Variants in KRT73 observed in about 807,000 individuals in gnomAD.
KRT73 encodes keratin 73.
In KRT73, 44 loss-of-function variants were observed where a neutral mutation model predicts 47.2. The ratio of observed to expected loss-of-function variants is 0.93; its 90% CI spans 0.73 to 1.20. KRT73 has a LOEUF of 1.20. Ranked by LOEUF, KRT73 falls within the 50% of genes most tolerant of loss-of-function variation. The pLI is 0.00. For missense variants in KRT73, 713 were observed against 704.5 expected (o/e 1.01, Z -0.14); for synonymous variants, 285 against 291.3 (o/e 0.98, Z 0.22).
intron 4 of KRT73, 80 bp from the exon 5 acceptor site, chr12:52,613,932 A>G: frequency 6.4e-7 from 1 of 1,569,356 alleles, no homozygotes; most frequent in Non-Finnish European, 8.6e-7. Flanking sequence ...TCCCAGAGGG[A>G]TGGCCCTAGA....
At chr12:52,626,419 G>C in the KRT73 span, among the ~76,000 whole-genome samples, 2 of 152,110 alleles carry the variant, frequency 1.3e-5, no homozygotes, top group South Asian at 2.1e-4. Context: ...AAAAGGTCTG[G>C]GTCAGGTCTT....
At chr12:52,627,446 C>T in the KRT73 span, among the ~76,000 whole-genome samples, 2 of 152,190 alleles carry the variant, frequency 1.3e-5, no homozygotes, top group African/African-American at 4.8e-5. Flanking sequence ...ATCTTCCTCC[C>T]CTTGCTGCTC....
the KRT73 span, among the ~76,000 whole-genome samples, chr12:52,625,440 C>T: frequency 1.1e-4 from 17 of 152,286 alleles, no homozygotes; most frequent in African/African-American, 3.6e-4. Flanking sequence ...TGAGATATTA[C>T]TCAACACCTA....
Position 52,615,337 on chromosome 12 carries a change from T to C in KRT73, c.665A>G (p.Tyr222Cys), listed in dbSNP as rs1459322116. ...TGTGCGCTTGTTTATTTCTTCTTCA[T>C]ACCTGCAGGGAAAGCATCACAGGAA... is the stretch of plus-strand genomic sequence containing the variant. ...REVVEDYKKR[Y>C]EEEINKRTTA... is the part of the protein sequence containing the mutation. The change falls in exon 3 of 9, where the codon TAT becomes TGT. Residue 222 changes from tyrosine to cysteine, a missense_variant and splice_region_variant. By Grantham distance (194) the Tyr-to-Cys change is radical (BLOSUM62 -2). Coordinates refer to ENST00000305748, the MANE Select transcript of KRT73 (RefSeq NM_175068.3). 6.2e-7 allele frequency: 1 copy of C among 1,613,770 alleles called. No homozygotes were observed. Among genetic ancestry groups the C allele is most frequent in the Non-Finnish European group, 8.5e-7 (1 of 1,179,690 alleles).
rs550957709 is a variant in KRT73, at chr12:52,610,818, C to T, written c.1128G>A (p.Thr376=). The T allele has an allele frequency of 1.5e-5, 24 of 1,612,484 alleles. No individual in the cohort carries two copies. In the South Asian group the frequency reaches 1.8e-4, roughly 12 times the overall value. The stretch of plus-strand genomic sequence containing the variant: ...CCCGCTGCTCGGCGTCAGCGATGGC[C>T]GTCTCCAGGTTGGCACACTGGGGTC... The part of the protein sequence containing the change: ...SVKKQCANLE[T]AIADAEQRGD... The change falls in exon 7 of 9, where the codon ACG becomes ACA. Residue 376 remains threonine (T), a synonymous_variant. Coordinates refer to ENST00000305748, the MANE Select transcript of KRT73 (RefSeq NM_175068.3).
chr12:52,624,124 T>C, the KRT73 span, among the ~76,000 whole-genome samples: 3 of 151,970 alleles, frequency 2.0e-5, no homozygotes, highest in South Asian at 2.1e-4. Context: ...TAAAGTATAC[T>C]TCAAAGCAAA....
At chr12:52,623,314 G>T (rs1236008466), upstream of KRT73, among the ~76,000 whole-genome samples, 1 of 152,194 alleles carries the variant, frequency 6.6e-6, no homozygotes, top group African/African-American at 2.4e-5. Flanking sequence ...AGGCTAGCAG[G>T]GAGTGGCATA....
chr12:52,626,382 C>A, the KRT73 span, among the ~76,000 whole-genome samples: 1 of 152,346 alleles, frequency 6.6e-6, no homozygotes, highest in Non-Finnish European at 1.5e-5. Context: ...AAAATCCCTA[C>A]TTTCCCTGAC....
intron 2 of KRT73, among the ~76,000 whole-genome samples, chr12:52,615,907 C>A (rs111372012): frequency 6.6e-6 from 1 of 152,124 alleles, no homozygotes; most frequent in Non-Finnish European, 1.5e-5. Flanking sequence ...CAAGAGGCTG[C>A]GGCACACACA....
rs199898419 is a variant in KRT73 at position 52,616,298 on chromosome 12, T to C, written c.530A>G (p.Asn177Ser). 1 of 1,614,204 alleles carries C rather than the reference T, an allele frequency of 6.2e-7. No homozygotes were observed. Among genetic ancestry groups the C allele is most frequent in the Non-Finnish European group, 8.5e-7 (1 of 1,180,044 alleles). ...GCCCTCAAGGATGGGCTCCAGGTTA[T>C]TCTTGCAGTTGTTCAGGTCCAGCTG... ...LQQLDLNNCK[N>S]NLEPILEGYI... is the part of the protein sequence containing the mutation. The change falls in exon 2 of 9, where the codon AAT becomes AGT. Residue 177 changes from asparagine (N) to serine (S), a missense_variant. Physicochemically the swap from Asn to Ser is conservative, Grantham distance 46. Transcript: ENST00000305748.
the KRT73 span, among the ~76,000 whole-genome samples, chr12:52,624,123 C>T: frequency 4.6e-5 from 7 of 151,954 alleles, no homozygotes; most frequent in Admixed American, 2.0e-4. Flanking sequence ...ATAAAGTATA[C>T]TTCAAAGCAA....
chr12:52,611,560 T>C, intron 5 of KRT73: 1 of 536,348 alleles, frequency 1.9e-6, no homozygotes, highest in Non-Finnish European at 3.3e-6. Context: ...CTGTTGAATG[T>C]CCCAGACTCT....
In KRT73 at chr12:52,618,269, A is replaced by C. The variant is rs1940850497; in HGVS notation, c.256T>G (p.Phe86Val). ...ACGGACCCCAAGGCCACACTGCCAA[A>C]CATGCTGCCAGCAAAGCCACTGGCC... ...GRASGFAGSM[F>V]GSVALGSVCP... The change falls in exon 1 of 9, where the codon TTT becomes GTT. Residue 86 changes from phenylalanine to valine, a missense_variant. Coordinates refer to ENST00000305748, the MANE Select transcript of KRT73 (RefSeq NM_175068.3). 6.2e-7 allele frequency: 1 copy of C among 1,614,060 alleles called. No individual in the cohort carries two copies. Among genetic ancestry groups the C allele is most frequent in the Non-Finnish European group, 8.5e-7 (1 of 1,180,042 alleles).
intron 3 of KRT73, chr12:52,614,973 T>C: frequency 1.9e-6 from 1 of 531,474 alleles, no homozygotes; most frequent in Non-Finnish European, 3.3e-6. Flanking sequence ...CACGGCGATT[T>C]GCCAGAAACT....
the KRT73 span, among the ~76,000 whole-genome samples, chr12:52,628,986 CTCAT>C: frequency 1.3e-5 from 2 of 152,138 alleles, no homozygotes. Context: ...GACCTGGACT[CTCAT>C]TAAACTTGAC....
chr12:52,614,914 A>G (rs2120872931), intron 3 of KRT73: 2 of 539,140 alleles, frequency 3.7e-6, no homozygotes, highest in Middle Eastern at 9.6e-4. Context: ...GTGAGACTCT[A>G]TACCCCACTC....
rs764720571 is a variant in KRT73, at chr12:52,610,629, C to T, written c.1317G>A (p.Glu439=). ...GTCCCACCCACCTGCACTCCTCGCCCTCCAGCAGCTTGCGGTAGGTGGCGA... is the reference window on the plus strand; with the variant it reads ...GTCCCACCCACCTGCACTCCTCGCCTTCCAGCAGCTTGCGGTAGGTGGCGA... ...IEIATYRKLL[E]GEECRMSGEY... Residue 439 remains glutamate, a synonymous_variant, in exon 7 of 9, where the codon GAG becomes GAA. Transcript: ENST00000305748. 1.1e-5 allele frequency: 18 copies of T among 1,613,166 alleles called. No homozygotes were observed. The highest frequency in any genetic ancestry group is 1.5e-5 in the Non-Finnish European group (18 of 1,179,876).
intron 4 of KRT73, 96 bp from the exon 5 acceptor site, chr12:52,613,948 C>A: frequency 1.3e-6 from 2 of 1,515,006 alleles, no homozygotes; most frequent in South Asian, 2.6e-5. Context: ...CTAGACCATC[C>A]CACACAGATG....
chr12:52,619,396 A>C (rs1389373745), upstream of KRT73, among the ~76,000 whole-genome samples: 1 of 152,232 alleles, frequency 6.6e-6, no homozygotes, highest in African/African-American at 2.4e-5. Context: ...ACCAAGGTTC[A>C]GATAATTGAG....
Sources: allele counts gnomAD v4.1 joint callset (sites outside exome capture counted in the v4.1 genomes callset), GRCh38; gene constraint gnomAD v4.1.1; transcripts MANE v1.5; gene names NCBI Gene and HGNC (gene_info 2026-07-23, HGNC 2026-07-21).